The following RMND1 variants were observed in gnomAD, a reference collection of about 807,000 sequenced individuals.
RMND1 encodes the protein required for meiotic nuclear division 1 homolog, also known as required for meiotic nuclear division protein 1 homolog.
RMND1 carries 41 observed loss-of-function variants against 54.0 expected under a neutral mutation model. The observed-to-expected ratio is 0.76, with a 90% CI of 0.59 to 0.98. The LOEUF (loss-of-function observed/expected upper bound fraction) is 0.98. RMND1 is among the 50% of genes least tolerant of loss of function. RMND1 has a pLI of 0.00. For missense variants in RMND1, 457 were observed against 532.0 expected, an observed-to-expected ratio of 0.86 and a Z score of 1.39; for synonymous variants, 183 against 181.7, an observed-to-expected ratio of 1.01 and a Z score of -0.06.
chr6:151,406,143 A>C (rs971816478), intron 10 of RMND1, among the ~76,000 whole-genome samples: 2 of 152,206 alleles, frequency 1.3e-5, no homozygotes, highest in Non-Finnish European at 2.9e-5. Context: ...GGCAAACTTG[A>C]AACATAATGT....
At chr6:151,448,088 T>C (rs1781017686) in intron 1 of RMND1, among the ~76,000 whole-genome samples, 1 of 152,122 alleles carries the variant, frequency 6.6e-6, no homozygotes, top group South Asian at 2.1e-4. Context: ...AGTGTTGGGA[T>C]TACAGGCGTG....
intron 8 of RMND1, among the ~76,000 whole-genome samples, chr6:151,421,776 CAGAG>C (rs761686116): frequency 2.4e-4 from 37 of 152,106 alleles, no homozygotes; most frequent in Non-Finnish European, 5.0e-4. Context: ...TTTCCATTCT[CAGAG>C]AGAAACATTT....
intron 2 of RMND1, among the ~76,000 whole-genome samples, chr6:151,442,254 A>G (rs1780799406): frequency 6.6e-6 from 1 of 151,398 alleles, no homozygotes; most frequent in African/African-American, 2.5e-5. Context: ...ATCATTAAAC[A>G]TAGTACATAT....
intron 10 of RMND1, among the ~76,000 whole-genome samples, chr6:151,413,235 A>C (rs1779908574): frequency 6.6e-6 from 1 of 152,120 alleles, no homozygotes; most frequent in Non-Finnish European, 1.5e-5. Flanking sequence ...CAAAAACTTA[A>C]ATAGTAAGTG....
intron 1 of RMND1, among the ~76,000 whole-genome samples, chr6:151,447,331 A>T (rs1486314714): frequency 8.9e-6 from 1 of 112,216 alleles, no homozygotes; most frequent in Non-Finnish European, 1.8e-5. Flanking sequence ...CATGAAACAA[A>T]TTTTTGGTGA....
chr6:151,433,931 C>T (rs934716237), intron 3 of RMND1, among the ~76,000 whole-genome samples: 2 of 137,642 alleles, frequency 1.5e-5, no homozygotes. Flanking sequence ...ACCTCCTGAA[C>T]TCAAGGGACC....
At chr6:151,444,874 G>T (rs1052120939) in intron 2 of RMND1, 2 of 154,642 alleles carry the variant, frequency 1.3e-5, no homozygotes, top group African/African-American at 4.8e-5. Context: ...CCACCCTACC[G>T]TGTCATTTCA....
intron 10 of RMND1, among the ~76,000 whole-genome samples, chr6:151,407,623 T>C (rs561438400): frequency 9.9e-5 from 15 of 152,198 alleles, no homozygotes; most frequent in African/African-American, 2.6e-4. Context: ...CAAGAGTCCC[T>C]ATGGCCGGGT....
chr6:151,416,035 A>G (rs1031221358), intron 10 of RMND1, among the ~76,000 whole-genome samples: 8 of 151,026 alleles, frequency 5.3e-5, no homozygotes, highest in Admixed American at 2.6e-4. Flanking sequence ...CTGGAGTGCA[A>G]TGGCATGACC....
intron 3 of RMND1, 87 bp from the exon 4 acceptor site, chr6:151,433,317 T>G (rs1780497811): frequency 1.3e-6 from 1 of 767,972 alleles, no homozygotes; most frequent in African/African-American, 1.7e-5. Context: ...ATAAAGTACT[T>G]AAGATCATTT....
intron 5 of RMND1, among the ~76,000 whole-genome samples, chr6:151,429,236 C>T (rs931255076): frequency 3.3e-5 from 5 of 151,990 alleles, no homozygotes; most frequent in South Asian, 4.1e-4. Flanking sequence ...ATTCTTGTGC[C>T]TCAGCTACCC....
chr6:151,437,555 C>T (rs1780648017), intron 2 of RMND1, among the ~76,000 whole-genome samples: 1 of 152,162 alleles, frequency 6.6e-6, no homozygotes, highest in Non-Finnish European at 1.5e-5. Flanking sequence ...AAACAAAGTG[C>T]TCAGGACTGT....
In RMND1 at chr6:151,405,882, C is replaced by T. The variant is rs369248612; in HGVS notation, c.1201-46G>A. On this transcript the variant is annotated intron_variant, in intron 10 of 11. Coordinates refer to ENST00000444024, the MANE Select transcript of RMND1 (RefSeq NM_017909.4). ...TAACATGTATTTAAACAATTTAATA[C>T]GGTCATACACATAAAAATTCTATAG... is the stretch of plus-strand genomic sequence containing the variant. 1.3e-4 allele frequency: 127 copies of T among 963,700 alleles called. 1 individual carries two copies. The highest frequency in any genetic ancestry group is 1.8e-4 in the African/African-American group (11 of 62,204). 59.7% of individuals were successfully genotyped at this position (963,700 alleles called of 1,614,324 possible).
chr6:151,419,827 C>G (rs1780108323), intron 9 of RMND1, among the ~76,000 whole-genome samples: 1 of 152,040 alleles, frequency 6.6e-6, no homozygotes, highest in Non-Finnish European at 1.5e-5. Context: ...CCTGTAGAGA[C>G]ACTTTGCTGT....
intron 10 of RMND1, 135 bp downstream of exon 10, chr6:151,417,144 C>T: frequency 1.0e-6 from 1 of 958,156 alleles, no homozygotes; most frequent in Non-Finnish European, 1.5e-6. Flanking sequence ...AGTGACTGTA[C>T]AGAGGACAAG....
intron 9 of RMND1, among the ~76,000 whole-genome samples, chr6:151,420,120 C>G (rs745842357): frequency 2.6e-5 from 4 of 152,116 alleles, no homozygotes; most frequent in African/African-American, 7.2e-5. Context: ...CACAAACCTA[C>G]GTATATTTAG....
chr6:151,450,228 C>T (rs1472321951), intron 1 of RMND1, among the ~76,000 whole-genome samples: 4 of 151,176 alleles, frequency 2.6e-5, no homozygotes, highest in African/African-American at 9.7e-5. Flanking sequence ...GGCCGCCCAT[C>T]GTCTGAGATG....
At chr6:151,417,105 T>C (rs2114929360) in intron 10 of RMND1, 174 bp downstream of exon 10, 1 of 596,264 alleles carries the variant, frequency 1.7e-6, no homozygotes, top group South Asian at 2.5e-5. Flanking sequence ...AGAGCTAATA[T>C]CAGAAGATCC....
chr6:151,441,073 C>T (rs1309403544), intron 2 of RMND1, among the ~76,000 whole-genome samples: 1 of 152,158 alleles, frequency 6.6e-6, no homozygotes, highest in East Asian at 1.9e-4. Context: ...AGCAAAAACC[C>T]CAAACCACTG....
Sources: allele counts gnomAD v4.1 joint callset (sites outside exome capture counted in the v4.1 genomes callset), GRCh38; gene constraint gnomAD v4.1.1; transcripts MANE v1.5; gene names NCBI Gene and HGNC (gene_info 2026-07-23, HGNC 2026-07-21).